The following SLC4A5 variants were observed in gnomAD, a reference collection of about 807,000 sequenced individuals.
SLC4A5 encodes the protein electrogenic sodium bicarbonate cotransporter 4.
In SLC4A5, 96 loss-of-function variants were observed where a neutral mutation model predicts 120.4. That is an observed-to-expected ratio of 0.80 (90% CI 0.68 to 0.94). SLC4A5 has a LOEUF of 0.94. SLC4A5 is among the 40% of genes least tolerant of loss of function. The pLI, the probability that SLC4A5 is intolerant of heterozygous loss-of-function variation, is 0.00. For missense variants in SLC4A5, 1,259 were observed against 1,459.5 expected, an observed-to-expected ratio of 0.86 and a Z score of 2.24; for synonymous variants, 550 against 571.1, an observed-to-expected ratio of 0.96 and a Z score of 0.53.
intron 7 of SLC4A5, among the ~76,000 whole-genome samples, chr2:74,293,253 G>A (rs1321918534): frequency 6.6e-6 from 1 of 152,222 alleles, no homozygotes; most frequent in East Asian, 1.9e-4. Context: ...CAAACTCCAA[G>A]TGTGCCCTCT....
At chr2:74,275,890 G>A (rs1403242796) in intron 8 of SLC4A5, among the ~76,000 whole-genome samples, 3 of 152,218 alleles carry the variant, frequency 2.0e-5, no homozygotes, top group African/African-American at 4.8e-5. Flanking sequence ...CAGCTCATAA[G>A]AGACAGGGTT....
rs576972396 is a variant in SLC4A5, at chr2:74,269,603, T to C, written c.402-4339A>G. On this transcript the variant is annotated intron_variant, in intron 8 of 30. Transcript: ENST00000394019. The stretch of plus-strand genomic sequence containing the variant: ...GGATCGACCTCCTATTCAGCTTGCC[T>C]TTTATTGTTTTTTTTTTCTCAAAAA... 2.6e-5 allele frequency among the ~76,000 whole-genome samples: 4 copies of C among 152,218 alleles called. No individual in the cohort carries two copies. The South Asian group carries it at 8.3e-4, about 32-fold the overall frequency.
chr2:74,296,719 G>A (rs566768688), intron 7 of SLC4A5, among the ~76,000 whole-genome samples: 25 of 150,790 alleles, frequency 1.7e-4, no homozygotes, highest in South Asian at 6.3e-4. Context: ...AACCTGGAGC[G>A]GAGGTTGTAG....
intron 8 of SLC4A5, among the ~76,000 whole-genome samples, chr2:74,277,030 C>T (rs1671665821): frequency 2.0e-5 from 3 of 152,164 alleles, no homozygotes; most frequent in African/African-American, 7.2e-5. Flanking sequence ...AGAGATCATG[C>T]CCCTGGGGAC....
intron 3 of SLC4A5, among the ~76,000 whole-genome samples, chr2:74,336,632 G>A (rs1285384184): frequency 6.6e-6 from 1 of 152,144 alleles, no homozygotes; most frequent in Non-Finnish European, 1.5e-5. Flanking sequence ...GCTTAGAGAG[G>A]ATAACATAAT....
chr2:74,342,698 C>T (rs1183162077), intron 1 of SLC4A5, among the ~76,000 whole-genome samples, 164 bp from the exon 2 acceptor site: 2 of 152,188 alleles, frequency 1.3e-5, no homozygotes, highest in Non-Finnish European at 2.9e-5. Context: ...TGCAGTCTGT[C>T]ACTTCTAGGG....
intron 7 of SLC4A5, chr2:74,290,321 C>A: frequency 3.0e-6 from 3 of 985,526 alleles, no homozygotes; most frequent in Non-Finnish European, 3.6e-6. Context: ...TCCGCTGCTG[C>A]CTCCCTGGCT....
chr2:74,314,818 C>A, intron 6 of SLC4A5, 127 bp downstream of exon 6: 1 of 811,776 alleles, frequency 1.2e-6, no homozygotes, highest in Non-Finnish European at 2.1e-6. Context: ...CTCAAGGAGA[C>A]ACTGTGGATG....
chr2:74,250,317 C>T (rs922139814), intron 17 of SLC4A5, 26 bp downstream of exon 17: 3 of 1,604,636 alleles, frequency 1.9e-6, no homozygotes, highest in African/African-American at 1.3e-5. Context: ...CTTACTTTTA[C>T]ACTCAGGGCA....
intron 28 of SLC4A5, among the ~76,000 whole-genome samples, chr2:74,224,086 A>G (rs1694756934): frequency 6.6e-6 from 1 of 152,234 alleles, no homozygotes; most frequent in African/African-American, 2.4e-5. Context: ...ATGTAGCTAC[A>G]TGTCCATTTT....
chr2:74,321,670 C>A (rs745751891), intron 5 of SLC4A5, among the ~76,000 whole-genome samples: 7 of 151,654 alleles, frequency 4.6e-5, no homozygotes, highest in Non-Finnish European at 7.4e-5. Context: ...AGGGAGAATG[C>A]GCATTGGGTA....
rs748499305 is a variant in SLC4A5 at position 74,262,163 on chromosome 2, C to T, written c.785G>A (p.Arg262Gln). The T allele has an allele frequency of 1.2e-5, 20 of 1,613,824 alleles. No individual in the cohort carries two copies. The Middle Eastern group carries it at 5.0e-4, about 40-fold the overall frequency. The change falls in exon 11 of 31, where the codon CGG becomes CAG. Residue 262 changes from arginine to glutamine, a missense_variant. Physicochemically the swap from Arg to Gln is conservative, Grantham distance 43. Transcript: ENST00000394019. ...CAGACGTCCGTAATTTGCACTCTGC[C>T]GCATCCGCAGGTCTTCCGTGGAGTG...
chr2:74,304,691 G>A lies in SLC4A5; in HGVS notation c.80-11C>T, dbSNP rs377114834. The stretch of plus-strand genomic sequence containing the variant: ...GGATAGGAGGGCATTCTGTGGACAC[G>A]GCACAAAAGACAGGGGAGGCAGGGT... On this transcript the variant is annotated splice_polypyrimidine_tract_variant and intron_variant, in intron 6 of 30. Coordinates refer to ENST00000394019, the Ensembl canonical transcript of SLC4A5. 6 of 1,603,496 alleles carry A rather than the reference G, an allele frequency of 3.7e-6. No homozygotes were observed. The highest frequency in any genetic ancestry group is 1.3e-5 in the African/African-American group (1 of 74,502).
intron 21 of SLC4A5, 113 bp from the exon 22 acceptor site, chr2:74,235,327 GGCA>G (rs1490017351): frequency 8.2e-6 from 6 of 733,998 alleles, no homozygotes; most frequent in Non-Finnish European, 1.4e-5. Flanking sequence ...GGGCTCTGAA[GGCA>G]GCAGAACTAG....
chr2:74,277,526 G>A (rs1414815825), intron 8 of SLC4A5, among the ~76,000 whole-genome samples: 1 of 152,158 alleles, frequency 6.6e-6, no homozygotes, highest in East Asian at 1.9e-4. Flanking sequence ...TCCAGCATGG[G>A]TGACAGGGCG....
At chr2:74,285,389 T>C (rs1671949028) in intron 8 of SLC4A5, among the ~76,000 whole-genome samples, 1 of 152,196 alleles carries the variant, frequency 6.6e-6, no homozygotes, top group African/African-American at 2.4e-5. Context: ...AACCTGCATA[T>C]ATGGGCCATT....
intron 6 of SLC4A5, among the ~76,000 whole-genome samples, chr2:74,313,681 C>T (rs1407502689): frequency 6.6e-6 from 1 of 152,196 alleles, no homozygotes; most frequent in Non-Finnish European, 1.5e-5. Context: ...CTCCCCACAT[C>T]ATGGTGGAAC....
chr2:74,326,982 C>G (rs1673232277), intron 5 of SLC4A5, among the ~76,000 whole-genome samples: 1 of 152,190 alleles, frequency 6.6e-6, no homozygotes, highest in African/African-American at 2.4e-5. Context: ...GTGATAGAAT[C>G]ATCTGGTGTT....
At chr2:74,220,777 A>G (rs977200468) in intron 30 of SLC4A5, among the ~76,000 whole-genome samples, 3 of 149,422 alleles carry the variant, frequency 2.0e-5, no homozygotes, top group African/African-American at 7.5e-5. Context: ...CAGCCTCCCA[A>G]AGTGCTGGGA....
Sources: allele counts gnomAD v4.1 joint callset (sites outside exome capture counted in the v4.1 genomes callset), GRCh38; gene constraint gnomAD v4.1.1; transcripts MANE v1.5; gene names NCBI Gene and HGNC (gene_info 2026-07-23, HGNC 2026-07-21).